Variants in CPLANE1 observed in about 807,000 individuals in gnomAD.
CPLANE1 encodes the protein ciliogenesis and planar polarity effector complex subunit 1, also known as ciliogenesis and planar polarity effector 1.
In CPLANE1, 263 loss-of-function variants were observed where a neutral mutation model predicts 362.5. The ratio of observed to expected loss-of-function variants is 0.73; its 90% CI spans 0.66 to 0.80. The LOEUF (loss-of-function observed/expected upper bound fraction) is 0.80, where lower values mean the gene tolerates loss of function less well. CPLANE1 is among the 30% of genes least tolerant of loss of function. CPLANE1 has a pLI of 0.00. For missense variants in CPLANE1, 3,461 were observed against 3,793.4 expected, an observed-to-expected ratio of 0.91 and a Z score of 2.30; for synonymous variants, 1,212 against 1,302.6, an observed-to-expected ratio of 0.93 and a Z score of 1.50.
rs751572533 is a variant in CPLANE1, at chr5:37,226,993, C to T, written c.1602G>A (p.Val534=). 2.4e-5 allele frequency: 37 copies of T among 1,551,402 alleles called. No individual in the cohort carries two copies. Among genetic ancestry groups the T allele is most frequent in the Non-Finnish European group, 3.1e-5 (36 of 1,146,892 alleles). The change falls in exon 12 of 53, where the codon GTG becomes GTA. Residue 534 remains valine, a synonymous_variant. Transcript: ENST00000651892. ...TTCCTTCCTTCATACTACTACACAG[C>T]ACATCATCTCTTTTGTTCCAAAAAG... ...LCPFWNKRDD[V]LCSSMKEGRL... is the part of the protein sequence containing the mutation.
At chr5:37,234,250 C>T (rs1304406227) in intron 8 of CPLANE1, among the ~76,000 whole-genome samples, 1 of 151,490 alleles carries the variant, frequency 6.6e-6, no homozygotes, top group African/African-American at 2.4e-5. Context: ...AAAATAATTC[C>T]CCCAAAATGC....
chr5:37,120,438 T>G, intron 49 of CPLANE1, 98 bp from the exon 50 acceptor site: 1 of 1,013,528 alleles, frequency 9.9e-7, no homozygotes, highest in Non-Finnish European at 1.4e-6. Flanking sequence ...GGCACAGTAG[T>G]GCAAGCCTAT....
chr5:37,191,904 A>G (rs1785649821), intron 21 of CPLANE1, among the ~76,000 whole-genome samples: 1 of 152,182 alleles, frequency 6.6e-6, no homozygotes, highest in Non-Finnish European at 1.5e-5. Context: ...TTTATTATGG[A>G]AGAAAAATAT....
chr5:37,228,487 T>C (rs1796949399), intron 9 of CPLANE1, among the ~76,000 whole-genome samples: 1 of 152,172 alleles, frequency 6.6e-6, no homozygotes, highest in Non-Finnish European at 1.5e-5. Context: ...TTGGTAATTA[T>C]AGGACATACA....
In CPLANE1 at chr5:37,148,197, A is replaced by G. The variant is rs1259658214; in HGVS notation, c.8445T>C (p.Ile2815=). The G allele has an allele frequency of 4.3e-6, 7 of 1,612,676 alleles. No individual in the cohort carries two copies. The Admixed American group carries it at 6.7e-5, about 15-fold the overall frequency. ...EFKKTLASKT[I]SISEEVRFLT... ...CCTACAAACCTTCTTCAGAAATGCT[A>G]ATGGTTTTTGAAGCTAATGTTTTTT... is the stretch of plus-strand genomic sequence containing the variant. Residue 2815 remains isoleucine (I), a synonymous_variant, in exon 43 of 53, where the codon ATT becomes ATC. Coordinates refer to ENST00000651892, the MANE Select transcript of CPLANE1 (RefSeq NM_001384732.1).
Position 37,177,697 on chromosome 5 carries a change from A to G in CPLANE1, c.5824T>C (p.Phe1942Leu). The G allele has an allele frequency of 6.2e-7, 1 of 1,612,084 alleles. No homozygotes were observed. Among genetic ancestry groups the G allele is most frequent in the African/African-American group, 1.3e-5 (1 of 74,946 alleles). ...MTLPQQLEEE[F>L]TEEVQCQREE... is the part of the protein sequence containing the mutation. Reference sequence around the variant, plus strand: ...CTTTGACACTGAACCTCTTCTGTGAACTCCTGTTAAAATGAATAGTACCCA... The same window carrying G: ...CTTTGACACTGAACCTCTTCTGTGAGCTCCTGTTAAAATGAATAGTACCCA... Residue 1942 changes from phenylalanine (F) to leucine (L), a missense_variant, in exon 30 of 53, where the codon TTC becomes CTC. Coordinates refer to ENST00000651892, the MANE Select transcript of CPLANE1 (RefSeq NM_001384732.1).
the CPLANE1 span, among the ~76,000 whole-genome samples, chr5:37,093,953 A>C: frequency 1.4e-5 from 2 of 146,410 alleles, no homozygotes; most frequent in African/African-American, 5.3e-5. Context: ...TTGTTTACTC[A>C]TGTGGTTCTA....
chr5:37,160,672 T>TC (rs1383857303), intron 38 of CPLANE1, among the ~76,000 whole-genome samples: 1 of 129,066 alleles, frequency 7.7e-6, no homozygotes, highest in African/African-American at 3.3e-5. Flanking sequence ...AAATAATGAC[T>TC]TTTTTTTTTT....
chr5:37,120,254 T>G lies in CPLANE1; in HGVS notation c.9272A>C (p.Lys3091Thr). The G allele has an allele frequency of 6.2e-7, 1 of 1,603,810 alleles. No homozygotes were observed. Among genetic ancestry groups the G allele is most frequent in the South Asian group, 1.1e-5 (1 of 88,174 alleles). ...TGAGCCTTGAGGTTGCCCAAAAGAC[T>G]TCCTCTTATGGATATAACTCGGTTT... The part of the protein sequence containing the change: ...MSKPSYIHKR[K>T]SFGQPQGSPW... Residue 3091 changes from lysine (K) to threonine (T), a missense_variant, in exon 50 of 53, where the codon AAG (lysine) becomes ACG (threonine). By Grantham distance (78) the Lys-to-Thr change is moderately conservative. Coordinates refer to ENST00000651892, the MANE Select transcript of CPLANE1 (RefSeq NM_001384732.1).
At position 37,182,006 on chromosome 5, in the gene CPLANE1, C is replaced by T. The variant is rs141879960; in HGVS notation, c.5421+754G>A. On this transcript the variant is annotated intron_variant, in intron 26 of 52. Transcript: ENST00000651892. ...ACTCACAAGGCTGAGGCAGGAGAAT[C>T]GCTTGAATCCAGGAGGCGGAGGTTG... Among the ~76,000 whole-genome samples the T allele has an allele frequency of 7.6e-3, 1,151 of 152,008 alleles. 9 individuals carry two copies. The highest frequency in any genetic ancestry group is 0.012 in the Non-Finnish European group (844 of 67,956).
Position 37,177,669 on chromosome 5 carries a change from T to C in CPLANE1, c.5852A>G (p.Glu1951Gly), listed in dbSNP as rs1443849694. The C allele has an allele frequency of 1.2e-6, 2 of 1,613,946 alleles. No individual in the cohort carries two copies. Among genetic ancestry groups the C allele is most frequent in the Non-Finnish European group, 1.7e-6 (2 of 1,179,906 alleles). Residue 1951 changes from glutamate to glycine, a missense_variant, in exon 30 of 53, where the codon GAA (glutamate) becomes GGA (glycine). Coordinates refer to ENST00000651892, the MANE Select transcript of CPLANE1 (RefSeq NM_001384732.1). ...EFTEEVQCQR[E>G]EPLETIMEEK... is the part of the protein sequence containing the mutation. ...CTCCATAATTGTCTCCAGTGGTTCT[T>C]CCCTTTGACACTGAACCTCTTCTGT...
At chr5:37,171,626 ATAAAG>A (rs1779802512) in intron 32 of CPLANE1, among the ~76,000 whole-genome samples, 1 of 152,234 alleles carries the variant, frequency 6.6e-6, no homozygotes, top group Non-Finnish European at 1.5e-5. Flanking sequence ...TCTTTTAATT[ATAAAG>A]TAAATACACA....
chr5:37,169,476 G>T lies in CPLANE1; in HGVS notation c.6548C>A (p.Pro2183Gln), dbSNP rs768725970. Residue 2183 changes from proline to glutamine, a missense_variant, in exon 34 of 53, where the codon CCA becomes CAA. Transcript: ENST00000651892. The stretch of plus-strand genomic sequence containing the variant: ...AGGAGCTGGATAAAACGAAGTGGAT[G>T]GTAAGTTTTGAGATGATGGAATTGG... ...KGPIPSSQNL[P>Q]STSFYPAPAG... 1.2e-6 allele frequency: 2 copies of T among 1,614,066 alleles called. No homozygotes were observed. The highest frequency in any genetic ancestry group is 2.2e-5 in the South Asian group (2 of 91,072).
chr5:37,209,923 A>G lies in CPLANE1; in HGVS notation c.2921-3498T>C. ...ATTGATGATCAGTTTGCAGATGCTT[A>G]CCCTCAGCGTATCAAGTTTGAGTCT... On this transcript the variant is annotated intron_variant, in intron 16 of 52. Transcript: ENST00000651892. This position sits in a 1 kb window ranked among gnomAD's most constrained non-coding sequence, Gnocchi z 4.6. 7.2e-7 allele frequency: 1 copy of G among 1,391,342 alleles called. No homozygotes were observed. The highest frequency in any genetic ancestry group is 1.2e-5 in the South Asian group (1 of 86,382). The allele number at this position is 1,391,342 out of a possible 1,614,324, so 86.2% of individuals were successfully genotyped here.
Position 37,125,241 on chromosome 5 carries a change from T to TA in CPLANE1, c.8958+2dup. ...TCCATTACCCTTGACATGGCAGACT[T>TA]ACTGGATTGCTTCTGGGACAGAAAG... On this transcript the variant is annotated splice_region_variant and intron_variant, in intron 47 of 52. Coordinates refer to ENST00000651892, the MANE Select transcript of CPLANE1 (RefSeq NM_001384732.1). The TA allele has an allele frequency of 6.2e-7, 1 of 1,610,168 alleles. No individual in the cohort carries two copies. The highest frequency in any genetic ancestry group is 8.5e-7 in the Non-Finnish European group (1 of 1,178,582).
downstream of CPLANE1, among the ~76,000 whole-genome samples, chr5:37,104,968 G>A (rs1757484409): frequency 6.6e-6 from 1 of 152,082 alleles, no homozygotes; most frequent in African/African-American, 2.4e-5. Flanking sequence ...AAACAGCACT[G>A]AACTGGTATA....
In CPLANE1 at chr5:37,107,757, C is replaced by A; in HGVS notation, c.9601G>T (p.Glu3201Ter). The change falls in exon 53 of 53, where the codon GAA (glutamate) becomes TAA (stop). Residue 3201 changes from glutamate to a stop codon, truncating the protein, a stop_gained. Transcript: ENST00000651892. LOFTEE classifies it high-confidence loss of function. ...ACCCCAAAAGGATGCTCTGGCTCTT[C>A]CTCTTCAGTTGGAGACAAGTCCTAT... ...LLQDLSPTEE[E>*]EPEHPFGVGG... is the part of the protein sequence containing the mutation. The A allele has an allele frequency of 6.2e-7, 1 of 1,610,302 alleles. No individual in the cohort carries two copies. The highest frequency in any genetic ancestry group is 8.5e-7 in the Non-Finnish European group (1 of 1,178,104).
intron 21 of CPLANE1, among the ~76,000 whole-genome samples, chr5:37,193,604 G>A (rs1345458309): frequency 2.6e-5 from 4 of 151,532 alleles, no homozygotes; most frequent in East Asian, 3.9e-4. Flanking sequence ...ACAGTGAGCC[G>A]AGATTGTGCC....
intron 14 of CPLANE1, 63 bp from the exon 15 acceptor site, chr5:37,221,551 C>A: frequency 4.3e-6 from 5 of 1,153,240 alleles, no homozygotes; most frequent in Non-Finnish European, 5.8e-6. Flanking sequence ...TGGTGTAGTG[C>A]TCAATTGACG....
Sources: gnomAD v4.1 joint callset for allele counts (sites outside exome capture counted in the v4.1 genomes callset) on GRCh38, gnomAD v4.1.1 for gene constraint, Gnocchi (gnomAD v3.1) non-coding constraint, MANE v1.5 for transcripts, NCBI Gene and HGNC (gene_info 2026-07-23, HGNC 2026-07-21) for gene names.